Variants in TAF7L observed in about 807,000 individuals in gnomAD.
TAF7L encodes TATA-box binding protein associated factor 7 like.
TAF7L carries 6 observed loss-of-function variants against 30.2 expected under a neutral mutation model. The ratio of observed to expected loss-of-function variants is 0.20; its 90% CI spans 0.11 to 0.39. The LOEUF (loss-of-function observed/expected upper bound fraction) is 0.39, where lower values mean the gene tolerates loss of function less well. Among genes scored for constraint, TAF7L ranks in the 10% least tolerant of loss-of-function variants. The pLI is 1.00. For missense variants in TAF7L, 284 were observed against 277.1 expected, an observed-to-expected ratio of 1.03 and a Z score of -0.18; for synonymous variants, 93 against 94.5, an observed-to-expected ratio of 0.98 and a Z score of 0.09.
intron 3 of TAF7L, among the ~76,000 whole-genome samples, chrX:101,283,905 C>CTTT (rs368554102): frequency 1.0e-5 from 1 of 98,469 alleles, no homozygotes. Context: ...AAACCAATTC[C>CTTT]TTTTTTTTTT....
intron 6 of TAF7L, among the ~76,000 whole-genome samples, chrX:101,281,027 A>G (rs1030111102): frequency 8.9e-6 from 1 of 111,837 alleles, no homozygotes; most frequent in Non-Finnish European, 1.9e-5. Flanking sequence ...CCTTGTGATG[A>G]AACTGTTTTG....
Position 101,282,421 on chromosome X carries a change from G to A in TAF7L, c.312C>T (p.His104=). Residue 104 remains histidine, a synonymous_variant, in exon 5 of 13, where the codon CAC becomes CAT. Coordinates refer to ENST00000356784, the MANE Select transcript of TAF7L (RefSeq NM_001168474.2). The part of the protein sequence containing the change: ...MLVCTADGDI[H]LSPEEPAAST... ...AGGCAGCTGGTTCTTCTGGAGAAAG[G>A]TGGATATCACCATCAGCAGTGCACA... 1.7e-6 allele frequency: 2 copies of A among 1,210,965 alleles called. No individual in the cohort carries two copies. Among genetic ancestry groups the A allele is most frequent in the Non-Finnish European group, 2.2e-6 (2 of 895,045 alleles).
chrX:101,285,028 C>T (rs1402751984), intron 3 of TAF7L, among the ~76,000 whole-genome samples: 1 of 110,917 alleles, frequency 9.0e-6, no homozygotes, highest in Non-Finnish European at 1.9e-5. Context: ...AGGTTGATTC[C>T]ATATCTTGGC....
intron 1 of TAF7L, among the ~76,000 whole-genome samples, chrX:101,288,438 C>A (rs1481857517): frequency 9.6e-6 from 1 of 103,801 alleles, no homozygotes; most frequent in Non-Finnish European, 2.0e-5. Context: ...CCACCGCGCC[C>A]AGCATGGAAT....
At chrX:101,269,836 T>TA (rs1015799101) in intron 12 of TAF7L, among the ~76,000 whole-genome samples, 19 of 110,275 alleles carry the variant, frequency 1.7e-4, no homozygotes, top group African/African-American at 4.3e-4. Context: ...GAATAGGCTT[T>TA]AAAAAAAAAC....
intron 3 of TAF7L, among the ~76,000 whole-genome samples, chrX:101,284,525 C>T (rs1357458702): frequency 1.8e-5 from 2 of 111,375 alleles, no homozygotes; most frequent in Non-Finnish European, 3.8e-5. Context: ...CCACCATGCC[C>T]GGCTAATTTT....
chrX:101,286,192 A>G (rs200568317), intron 3 of TAF7L, among the ~76,000 whole-genome samples: 3 of 106,283 alleles, frequency 2.8e-5, no homozygotes, highest in Middle Eastern at 4.9e-3. Flanking sequence ...AAAAAAAAAA[A>G]AAAGAAAGAA....
rs1215526865 is a variant in TAF7L, at chrX:101,270,605, C to A, written c.1087-1368G>T. 2.7e-5 allele frequency among the ~76,000 whole-genome samples: 3 copies of A among 111,503 alleles called. No individual in the cohort carries two copies. In the East Asian group the frequency reaches 8.4e-4, roughly 31 times the overall value. On this transcript the variant is annotated intron_variant, in intron 12 of 12. Transcript: ENST00000356784. The stretch of plus-strand genomic sequence containing the variant: ...TTTCCCATTTTCAAAAGCACTTCTC[C>A]ACATACCCCTCCAAATCCACTTTTT...
intron 9 of TAF7L, among the ~76,000 whole-genome samples, chrX:101,277,362 GA>G (rs1924232557): frequency 1.0e-5 from 1 of 96,661 alleles, no homozygotes; most frequent in South Asian, 5.1e-4. Context: ...CGAGGCAGGA[GA>G]ATCACTTGAA....
chrX:101,277,547 C>A (rs1924249462), intron 9 of TAF7L, 59 bp downstream of exon 9: 4 of 463,552 alleles, frequency 8.6e-6, no homozygotes, highest in Non-Finnish European at 9.5e-6. Context: ...GGAAAATGAT[C>A]TGATACCCAG....
At chrX:101,276,275 C>T (rs760499223) in intron 10 of TAF7L, 32 bp downstream of exon 10, 1 of 1,210,380 alleles carries the variant, frequency 8.3e-7, no homozygotes, top group Admixed American at 2.2e-5. Flanking sequence ...GCCACCCACC[C>T]TGGTCCCATC....
At chrX:101,279,100 G>A in intron 6 of TAF7L, 65 bp from the exon 7 acceptor site, 1 of 908,736 alleles carries the variant, frequency 1.1e-6, no homozygotes, top group Non-Finnish European at 1.6e-6. Context: ...AGCTTAAAGA[G>A]CTCTACAACT....
At chrX:101,275,333 A>G (rs1484855653) in intron 11 of TAF7L, 52 bp from the exon 12 acceptor site, 2 of 899,571 alleles carry the variant, frequency 2.2e-6, no homozygotes, top group African/African-American at 2.1e-5. Context: ...AGAAAAAAAA[A>G]AAAACCAAGG....
chrX:101,287,479 A>G lies in TAF7L; in HGVS notation c.65T>C (p.Leu22Pro), dbSNP rs1248321913. Residue 22 changes from leucine (L) to proline (P), a missense_variant and splice_region_variant, in exon 2 of 13, where the codon CTG becomes CCG. Transcript: ENST00000356784. ...VENQFILRLPLEHACTVRNLA... is the reference protein window; with the variant it reads ...VENQFILRLPPEHACTVRNLA... The stretch of plus-strand genomic sequence containing the variant: ...TTGTTCTGAGATACAAGTTCTTACC[A>G]GAGGCAGACGCAATATAAACTGGTT... 5.9e-6 allele frequency: 7 copies of G among 1,192,631 alleles called. No individual in the cohort carries two copies. The highest frequency in any genetic ancestry group is 6.8e-6 in the Non-Finnish European group (6 of 879,335).
At chrX:101,283,654 G>A (rs1358031703) in intron 3 of TAF7L, 71 bp from the exon 4 acceptor site, 15 of 1,105,699 alleles carry the variant, frequency 1.4e-5, no homozygotes, top group Non-Finnish European at 1.9e-5. Flanking sequence ...TTTGAATAAT[G>A]AAGACTTATG....
At chrX:101,274,688 G>A (rs1234273142) in intron 12 of TAF7L, among the ~76,000 whole-genome samples, 1 of 111,221 alleles carries the variant, frequency 9.0e-6, no homozygotes, top group Non-Finnish European at 1.9e-5. Context: ...TGCTGGGATA[G>A]GCTCTGGCCA....
At chrX:101,283,898 C>T (rs1018979829) in intron 3 of TAF7L, among the ~76,000 whole-genome samples, 1 of 106,195 alleles carries the variant, frequency 9.4e-6, no homozygotes, top group African/African-American at 3.7e-5. Flanking sequence ...TTCATTAAAA[C>T]CAATTCCTTT....
At chrX:101,289,408 C>T (rs993991868) in intron 1 of TAF7L, among the ~76,000 whole-genome samples, 2 of 111,859 alleles carry the variant, frequency 1.8e-5, no homozygotes, top group East Asian at 2.8e-4. Context: ...TACATCTAGA[C>T]GTGGGATTGC....
upstream of TAF7L, chrX:101,293,049 C>G: frequency 8.3e-7 from 1 of 1,210,593 alleles, no homozygotes; most frequent in Non-Finnish European, 1.1e-6. Context: ...ACTCCATGGC[C>G]CACCTCGTTG....
Sources: allele counts gnomAD v4.1 joint callset (sites outside exome capture counted in the v4.1 genomes callset), GRCh38; gene constraint gnomAD v4.1.1; transcripts MANE v1.5; gene names NCBI Gene and HGNC (gene_info 2026-07-23, HGNC 2026-07-21).